The following GALNTL6 variants were observed in gnomAD, a reference collection of about 807,000 sequenced individuals.
GALNTL6 encodes the protein polypeptide N-acetylgalactosaminyltransferase-like 6.
In GALNTL6, 46 loss-of-function variants were observed where a neutral mutation model predicts 73.7. The observed-to-expected ratio is 0.62, with a 90% CI of 0.49 to 0.80. The LOEUF is 0.80. GALNTL6 is among the 30% of genes least tolerant of loss of function. The pLI is 0.00. For missense variants in GALNTL6, 604 were observed against 755.0 expected (o/e 0.80, Z 2.34); for synonymous variants, 259 against 263.7 (o/e 0.98, Z 0.17).
intron 2 of GALNTL6, among the ~76,000 whole-genome samples, chr4:171,932,030 T>C (rs1429503174): frequency 1.3e-5 from 2 of 152,206 alleles, no homozygotes; most frequent in African/African-American, 2.4e-5. Flanking sequence ...TATAGAGTGA[T>C]GTTTTTCATT....
intron 2 of GALNTL6, among the ~76,000 whole-genome samples, chr4:172,149,945 G>A (rs1441278342): frequency 6.6e-6 from 1 of 152,172 alleles, no homozygotes; most frequent in African/African-American, 2.4e-5. Context: ...GCCACAAACT[G>A]CACAGAGCTA....
chr4:171,985,218 T>G (rs1237446562), intron 2 of GALNTL6, among the ~76,000 whole-genome samples: 1 of 152,188 alleles, frequency 6.6e-6, no homozygotes, highest in Admixed American at 6.5e-5. Flanking sequence ...AAAAAAGCTT[T>G]AATGGACTCA....
chr4:171,923,245 C>T (rs999301889), intron 2 of GALNTL6, among the ~76,000 whole-genome samples: 7 of 152,026 alleles, frequency 4.6e-5, no homozygotes, highest in African/African-American at 9.7e-5. Context: ...CTTGACTACT[C>T]GTTAGAGACA....
At chr4:172,466,389 G>A (rs1207387230) in intron 5 of GALNTL6, among the ~76,000 whole-genome samples, 1 of 152,098 alleles carries the variant, frequency 6.6e-6, no homozygotes, top group Non-Finnish European at 1.5e-5. Flanking sequence ...TTCTGGAAAA[G>A]TAATACCTAA....
chr4:172,485,526 G>A (rs1317283894), intron 5 of GALNTL6, among the ~76,000 whole-genome samples: 1 of 145,156 alleles, frequency 6.9e-6, no homozygotes, highest in Admixed American at 6.8e-5. Flanking sequence ...TCAAATGGAG[G>A]AGCTACTGAT....
In GALNTL6 at chr4:172,229,668, G is replaced by A; in HGVS notation, c.151G>A (p.Gly51Ser). 1 of 1,611,452 alleles carries A rather than the reference G, an allele frequency of 6.2e-7. No individual in the cohort carries two copies. The highest frequency in any genetic ancestry group is 8.5e-7 in the Non-Finnish European group (1 of 1,177,760). Residue 51 changes from glycine (G) to serine (S), a missense_variant, in exon 3 of 13, where the codon GGC (glycine) becomes AGC (serine). By Grantham distance (56) the Gly-to-Ser change is moderately conservative. Coordinates refer to ENST00000506823, the MANE Select transcript of GALNTL6 (RefSeq NM_001034845.3). The stretch of plus-strand genomic sequence containing the variant: ...TCCTTTTCCACAGACATTTCCACTG[G>A]GCCTGGGAGATGGGCAATTCTATTC... The part of the protein sequence containing the change: ...EPGEQQTFPL[G>S]LGDGQFYSWT...
At chr4:171,837,839 A>G (rs1009502864) in intron 2 of GALNTL6, among the ~76,000 whole-genome samples, 1 of 150,546 alleles carries the variant, frequency 6.6e-6, no homozygotes, top group African/African-American at 2.4e-5. Context: ...TATTTACCCA[A>G]CTCTCCTACA....
intron 2 of GALNTL6, among the ~76,000 whole-genome samples, chr4:172,167,728 G>A (rs1734672614): frequency 6.6e-6 from 1 of 151,616 alleles, no homozygotes; most frequent in Non-Finnish European, 1.5e-5. Flanking sequence ...GGAGGCCGAG[G>A]CGGGTGGATC....
At chr4:172,379,969 A>G (rs1349130675) in intron 5 of GALNTL6, 2 of 781,396 alleles carry the variant, frequency 2.6e-6, no homozygotes, top group Non-Finnish European at 4.4e-6. Flanking sequence ...AATGTAAACC[A>G]AAAGAAAGAA....
chr4:172,991,466 T>C (rs529429394), intron 10 of GALNTL6, among the ~76,000 whole-genome samples: 1 of 152,282 alleles, frequency 6.6e-6, no homozygotes, highest in African/African-American at 2.4e-5. Flanking sequence ...TGGCATGATC[T>C]CGGCTCACTG....
rs976834062 is a variant in GALNTL6 at position 172,005,025 on chromosome 4, C to T, written c.138+190307C>T. ...TTTCATAAAATACTGTGCCTTGTTA[C>T]GTGATATGCCAACCACAAATTGTAC... On this transcript the variant is annotated intron_variant, in intron 2 of 12. Coordinates refer to ENST00000506823, the MANE Select transcript of GALNTL6 (RefSeq NM_001034845.3). Among the ~76,000 whole-genome samples the T allele has an allele frequency of 3.7e-4, 56 of 152,168 alleles. 1 individual carries two copies. The highest frequency in any genetic ancestry group is 5.0e-4 in the Non-Finnish European group (34 of 67,988).
intron 2 of GALNTL6, among the ~76,000 whole-genome samples, chr4:172,098,956 G>A (rs894882848): frequency 1.3e-5 from 2 of 152,154 alleles, no homozygotes; most frequent in African/African-American, 4.8e-5. Flanking sequence ...GATAATAATA[G>A]AGAATGTTAT....
In GALNTL6 at chr4:172,251,257, G is replaced by A. The variant is rs533024627; in HGVS notation, c.247+21493G>A. On this transcript the variant is annotated intron_variant, in intron 3 of 12. Coordinates refer to ENST00000506823, the MANE Select transcript of GALNTL6 (RefSeq NM_001034845.3). Reference sequence around the variant, plus strand: ...GGAGGTTAGTCTTTGTCTTATTAAAGCCTTCGACTGCTTAAATAAAGCCCA... The same window carrying A: ...GGAGGTTAGTCTTTGTCTTATTAAAACCTTCGACTGCTTAAATAAAGCCCA... Among the ~76,000 whole-genome samples the A allele has an allele frequency of 9.9e-5, 15 of 152,168 alleles. No individual in the cohort carries two copies. In the East Asian group the frequency reaches 2.7e-3, roughly 27 times the overall value.
Position 172,990,893 on chromosome 4 carries a change from A to G in GALNTL6, c.1372-18285A>G, listed in dbSNP as rs72708745. Among the ~76,000 whole-genome samples the G allele has an allele frequency of 5.2e-3, 785 of 152,352 alleles. 2 individuals are homozygous for G. Among genetic ancestry groups the G allele is most frequent in the Non-Finnish European group, 6.6e-3 (446 of 68,036 alleles). ...ACACATTTCTATGAATATAACTCAA[A>G]GAAAATTAAAAACCATTTTATATTT... On this transcript the variant is annotated intron_variant, in intron 10 of 12. Coordinates refer to ENST00000506823, the MANE Select transcript of GALNTL6 (RefSeq NM_001034845.3).
chr4:172,112,442 G>A (rs1411611145), intron 2 of GALNTL6, among the ~76,000 whole-genome samples: 5 of 151,872 alleles, frequency 3.3e-5, no homozygotes, highest in African/African-American at 9.7e-5. Flanking sequence ...CTATGGTAAG[G>A]GTATGTTTAG....
intron 5 of GALNTL6, among the ~76,000 whole-genome samples, chr4:172,766,783 G>C (rs1721122002): frequency 1.3e-5 from 2 of 152,214 alleles, no homozygotes; most frequent in Admixed American, 6.5e-5. Flanking sequence ...TCAGGTTACA[G>C]CTCACAGACC....
intron 5 of GALNTL6, among the ~76,000 whole-genome samples, chr4:172,481,194 G>C (rs1247117301): frequency 6.6e-6 from 1 of 152,076 alleles, no homozygotes; most frequent in African/African-American, 2.4e-5. Flanking sequence ...TTCACGATGA[G>C]TGTTACAGCT....
intron 5 of GALNTL6, among the ~76,000 whole-genome samples, chr4:172,685,478 C>A (rs1458486633): frequency 6.6e-6 from 1 of 152,108 alleles, no homozygotes; most frequent in Non-Finnish European, 1.5e-5. Flanking sequence ...ACTGTAATAT[C>A]CAAAGGCACA....
chr4:172,176,202 A>T (rs959962724), intron 2 of GALNTL6, among the ~76,000 whole-genome samples: 4 of 151,546 alleles, frequency 2.6e-5, no homozygotes, highest in Admixed American at 6.6e-5. Flanking sequence ...TAGCCGGGCG[A>T]GGTGGCGGGC....
Sources: allele counts gnomAD v4.1 joint callset (sites outside exome capture counted in the v4.1 genomes callset), GRCh38; gene constraint gnomAD v4.1.1; transcripts MANE v1.5; gene names NCBI Gene and HGNC (gene_info 2026-07-23, HGNC 2026-07-21).